CDH13: variants seen among roughly 807,000 people sequenced by gnomAD.
CDH13 encodes cadherin 13.
A neutral mutation model predicts 63.8 loss-of-function variants in CDH13; 24 were observed. The observed-to-expected ratio is 0.38, with a 90% CI of 0.27 to 0.53. The LOEUF (loss-of-function observed/expected upper bound fraction) is 0.53. Ranked by LOEUF, CDH13 falls within the 20% of genes least tolerant of loss-of-function variation. The pLI is 0.85. For missense variants in CDH13, 1,049 were observed against 903.1 expected, an observed-to-expected ratio of 1.16 and a Z score of -2.07; for synonymous variants, 503 against 355.3, an observed-to-expected ratio of 1.42 and a Z score of -4.67.
chr16:83,273,722 A>G (rs1357222446), intron 5 of CDH13, among the ~76,000 whole-genome samples: 1 of 152,184 alleles, frequency 6.6e-6, no homozygotes, highest in Non-Finnish European at 1.5e-5. Context: ...CTGTTTGTTG[A>G]TCTCTTGTGG....
chr16:83,281,217 C>A lies in CDH13; in HGVS notation c.637-63645C>A, dbSNP rs374263585. Among the ~76,000 whole-genome samples the A allele has an allele frequency of 7.2e-5, 11 of 152,330 alleles. No homozygotes were observed. The South Asian group carries it at 1.2e-3, about 17-fold the overall frequency. ...GCTGGATCTTCTGGATATCTTGCTG[C>A]AGCTTCTATATCAGCACTCGCTGCT... On this transcript the variant is annotated intron_variant, in intron 5 of 13. Coordinates refer to ENST00000567109, the MANE Select transcript of CDH13 (RefSeq NM_001257.5).
At chr16:83,043,278 T>C (rs1401193126) in intron 3 of CDH13, among the ~76,000 whole-genome samples, 4 of 152,150 alleles carry the variant, frequency 2.6e-5, no homozygotes, top group Non-Finnish European at 5.9e-5. Flanking sequence ...TTGAAATTCT[T>C]GGGGGAAAAA....
chr16:82,651,991 C>T lies in CDH13; in HGVS notation c.45+24854C>T, dbSNP rs773698236. Among the ~76,000 whole-genome samples the T allele has an allele frequency of 1.4e-4, 22 of 152,330 alleles. 1 individual carries two copies. Among genetic ancestry groups the T allele is most frequent in the East Asian group, 3.9e-4 (2 of 5,188 alleles). On this transcript the variant is annotated intron_variant, in intron 1 of 13. Coordinates refer to ENST00000567109, the MANE Select transcript of CDH13 (RefSeq NM_001257.5). ...CCAATCAGAACAAGTTGGAGCTTTT[C>T]GTCTTCTTTAAGCCTACTAGTTTCA...
At chr16:83,355,075 G>A (rs1030273124) in intron 6 of CDH13, among the ~76,000 whole-genome samples, 1 of 152,152 alleles carries the variant, frequency 6.6e-6, no homozygotes, top group Admixed American at 6.5e-5. Flanking sequence ...AAGCCCTTGG[G>A]TGGTTTTAAG....
At chr16:82,722,430 C>G (rs1361217606) in intron 1 of CDH13, among the ~76,000 whole-genome samples, 1 of 152,288 alleles carries the variant, frequency 6.6e-6, no homozygotes, top group East Asian at 1.9e-4. Context: ...GAGAGGGCTG[C>G]TATTACTGAA....
At chr16:82,905,186 G>T (rs1316303211) in intron 2 of CDH13, among the ~76,000 whole-genome samples, 1 of 152,194 alleles carries the variant, frequency 6.6e-6, no homozygotes, top group Non-Finnish European at 1.5e-5. Context: ...TTAGACGGGA[G>T]AAAGAGCTTG....
intron 8 of CDH13, among the ~76,000 whole-genome samples, chr16:83,634,428 T>C (rs1208254410): frequency 6.8e-6 from 1 of 146,732 alleles, no homozygotes; most frequent in Non-Finnish European, 1.5e-5. Context: ...TGAGACGGAG[T>C]CTTTCCCAGC....
intron 6 of CDH13, among the ~76,000 whole-genome samples, chr16:83,399,008 A>G (rs1320970280): frequency 1.3e-5 from 2 of 152,224 alleles, no homozygotes; most frequent in East Asian, 3.9e-4. Context: ...TCTCATATAA[A>G]TGATGAAGCT....
intron 10 of CDH13, among the ~76,000 whole-genome samples, chr16:83,689,249 C>T (rs552178811): frequency 5.4e-4 from 82 of 151,898 alleles, no homozygotes; most frequent in Non-Finnish European, 1.0e-3. Context: ...AATATTGTTC[C>T]TTGACCAATA....
At chr16:82,671,769 C>G (rs755011104) in intron 1 of CDH13, among the ~76,000 whole-genome samples, 2 of 152,112 alleles carry the variant, frequency 1.3e-5, no homozygotes, top group African/African-American at 4.8e-5. Context: ...GAGTGTTTTA[C>G]TTTCTGGGTG....
intron 5 of CDH13, among the ~76,000 whole-genome samples, chr16:83,233,935 C>A (rs2040075275): frequency 2.0e-5 from 3 of 152,226 alleles, no homozygotes; most frequent in South Asian, 4.1e-4. Flanking sequence ...GGGTTAGGAA[C>A]TTGTTCAAGG....
intron 1 of CDH13, among the ~76,000 whole-genome samples, chr16:82,828,107 T>A (rs77876509): frequency 6.6e-6 from 1 of 152,242 alleles, no homozygotes; most frequent in East Asian, 1.9e-4. Flanking sequence ...ATAGGCTCTG[T>A]TGTATTTGAT....
At chr16:83,244,664 A>G (rs951755879) in intron 5 of CDH13, among the ~76,000 whole-genome samples, 2 of 152,162 alleles carry the variant, frequency 1.3e-5, no homozygotes, top group African/African-American at 4.8e-5. Context: ...TTTGTTGCTA[A>G]GGTTTGTTAC....
At chr16:83,267,810 A>G (rs1183672920) in intron 5 of CDH13, among the ~76,000 whole-genome samples, 1 of 152,176 alleles carries the variant, frequency 6.6e-6, no homozygotes, top group Non-Finnish European at 1.5e-5. Flanking sequence ...TTATTTAACA[A>G]GATATTATGT....
intron 5 of CDH13, among the ~76,000 whole-genome samples, chr16:83,226,050 CAG>C (rs2039828347): frequency 6.6e-6 from 1 of 152,174 alleles, no homozygotes; most frequent in Non-Finnish European, 1.5e-5. Flanking sequence ...TTCTGAGAAA[CAG>C]AATTTAATAA....
intron 2 of CDH13, among the ~76,000 whole-genome samples, chr16:83,031,592 C>T (rs574423641): frequency 6.6e-6 from 1 of 152,056 alleles, no homozygotes; most frequent in South Asian, 2.1e-4. Context: ...CTTCTCATCT[C>T]CTACTTATCT....
chr16:82,700,420 C>G (rs992806888), intron 1 of CDH13, among the ~76,000 whole-genome samples: 1 of 151,962 alleles, frequency 6.6e-6, no homozygotes, highest in African/African-American at 2.4e-5. Flanking sequence ...GAAGAGTTAC[C>G]GTGTATGTGT....
At chr16:83,460,915 C>T (rs1409643482) in intron 6 of CDH13, among the ~76,000 whole-genome samples, 1 of 150,910 alleles carries the variant, frequency 6.6e-6, no homozygotes, top group Non-Finnish European at 1.5e-5. Context: ...TAAGCCTGGG[C>T]AGTCGAGGTT....
At chr16:82,710,547 AAAAAAATAT>A (rs1473736381) in intron 1 of CDH13, among the ~76,000 whole-genome samples, 6 of 105,620 alleles carry the variant, frequency 5.7e-5, no homozygotes, top group African/African-American at 1.1e-4. Flanking sequence ...AAAAAAAAAA[AAAAAAATAT>A]ATATATATAT....
Sources: allele counts gnomAD v4.1 joint callset (sites outside exome capture counted in the v4.1 genomes callset), GRCh38; gene constraint gnomAD v4.1.1; transcripts MANE v1.5; gene names NCBI Gene and HGNC (gene_info 2026-07-23, HGNC 2026-07-21).